Variants in ERC2 observed in about 807,000 individuals in gnomAD.
ERC2 encodes ERC protein 2.
Under a neutral mutation model 114.8 loss-of-function variants are expected in ERC2, and 42 were observed. The observed-to-expected ratio is 0.37, with a 90% confidence interval of 0.29 to 0.47. The LOEUF is 0.47. Ranked by LOEUF, ERC2 falls within the 20% of genes least tolerant of loss-of-function variation. The pLI is 0.99. For missense variants in ERC2, 939 were observed against 1,150.7 expected, an observed-to-expected ratio of 0.82 and a Z score of 2.66; for synonymous variants, 454 against 425.5, an observed-to-expected ratio of 1.07 and a Z score of -0.82.
chr3:56,467,623 G>A (rs893729918), intron 1 of ERC2, among the ~76,000 whole-genome samples: 3 of 152,010 alleles, frequency 2.0e-5, no homozygotes, highest in Non-Finnish European at 4.4e-5. Flanking sequence ...TGGGGAGGAG[G>A]AGAGAAGGGA....
At chr3:55,991,398 T>C (rs1177555321) in intron 11 of ERC2, among the ~76,000 whole-genome samples, 1 of 152,230 alleles carries the variant, frequency 6.6e-6, no homozygotes, top group Non-Finnish European at 1.5e-5. Flanking sequence ...ATAGCAAGCT[T>C]ATTTTTAGCA....
rs765072714 is a variant in ERC2 at position 56,434,890 on chromosome 3, T to C, written c.118A>G (p.Thr40Ala). The change falls in exon 2 of 18, where the codon ACA (threonine) becomes GCA (alanine). Residue 40 changes from threonine (T) to alanine (A), a missense_variant. Thr to Ala is a moderately conservative substitution (Grantham distance 58). Coordinates refer to ENST00000288221, the MANE Select transcript of ERC2 (RefSeq NM_015576.3). ...TTCTCCATAGACAGAGTCTTGCCTGTTCCTCCACCTCCCCCACTACTTGTT... is the reference window on the plus strand; with the variant it reads ...TTCTCCATAGACAGAGTCTTGCCTGCTCCTCCACCTCCCCCACTACTTGTT... ...RRTSSGGGGG[T>A]GKTLSMENIQ... The C allele has an allele frequency of 1.9e-6, 3 of 1,613,722 alleles. No individual in the cohort carries two copies. Among genetic ancestry groups the C allele is most frequent in the Non-Finnish European group, 2.5e-6 (3 of 1,179,880 alleles).
intron 2 of ERC2, among the ~76,000 whole-genome samples, chr3:56,309,256 T>A (rs2056404914): frequency 6.6e-6 from 1 of 152,236 alleles, no homozygotes; most frequent in South Asian, 2.1e-4. Flanking sequence ...GCACTGGGAC[T>A]CTGGGTTCCT....
intron 13 of ERC2, among the ~76,000 whole-genome samples, chr3:55,931,231 A>C (rs1265785896): frequency 6.6e-6 from 1 of 152,226 alleles, no homozygotes; most frequent in Non-Finnish European, 1.5e-5. Flanking sequence ...ATAACATTTG[A>C]CCCAGCAATC....
rs774598938 is a variant in ERC2 at position 56,434,624 on chromosome 3, G to A, written c.384C>T (p.Ser128=). ...AGGGGACCTGGTGGTGGTGATGATGGGATGAGCCAGTCAGCCCACCATGTT... is the reference window on the plus strand; with the variant it reads ...AGGGGACCTGGTGGTGGTGATGATGAGATGAGCCAGTCAGCCCACCATGTT... ...TDQHGGLTGS[S]HHHHHQVPSM... The change falls in exon 2 of 18, where the codon TCC becomes TCT. Residue 128 remains serine, a synonymous_variant. Transcript: ENST00000288221. 1.2e-6 allele frequency: 2 copies of A among 1,613,968 alleles called. No homozygotes were observed. Among genetic ancestry groups the A allele is most frequent in the South Asian group, 2.2e-5 (2 of 91,074 alleles).
At chr3:56,058,625 C>G (rs80060216) in intron 7 of ERC2, among the ~76,000 whole-genome samples, 181 of 152,250 alleles carry the variant, frequency 1.2e-3, no homozygotes, top group African/African-American at 4.1e-3. Flanking sequence ...TGTGGGAGAG[C>G]CTCATCCAAT....
At chr3:55,644,295 T>C (rs1263236198) in intron 17 of ERC2, among the ~76,000 whole-genome samples, 3 of 152,196 alleles carry the variant, frequency 2.0e-5, no homozygotes, top group African/African-American at 7.2e-5. Flanking sequence ...TTAGAACATG[T>C]AATTCTTCTA....
intron 17 of ERC2, among the ~76,000 whole-genome samples, chr3:55,562,970 A>G (rs972067972): frequency 2.0e-5 from 3 of 152,224 alleles, no homozygotes; most frequent in South Asian, 2.1e-4. Context: ...GAAATATTAC[A>G]AAAATATAAG....
At chr3:56,266,926 A>T (rs2053346097) in intron 3 of ERC2, among the ~76,000 whole-genome samples, 1 of 152,242 alleles carries the variant, frequency 6.6e-6, no homozygotes, top group South Asian at 2.1e-4. Flanking sequence ...GCACTCCCAC[A>T]TTCACTGCAG....
chr3:55,660,363 G>T (rs1248279446), intron 17 of ERC2, among the ~76,000 whole-genome samples: 1 of 152,156 alleles, frequency 6.6e-6, no homozygotes, highest in Non-Finnish European at 1.5e-5. Context: ...CCTGGTGCAG[G>T]GAAGGGGCAC....
chr3:56,164,470 G>A (rs7644153), intron 4 of ERC2, among the ~76,000 whole-genome samples: 124,639 of 152,082 alleles, frequency 0.82, 52,225 homozygotes, highest in South Asian at 0.93. Context: ...ATGTGGATAT[G>A]CCATATTTTG....
At chr3:56,196,698 T>G (rs2048127789) in intron 3 of ERC2, among the ~76,000 whole-genome samples, 1 of 152,146 alleles carries the variant, frequency 6.6e-6, no homozygotes, top group East Asian at 1.9e-4. Flanking sequence ...AACTGGCAAG[T>G]CCATTCCTCA....
intron 3 of ERC2, among the ~76,000 whole-genome samples, chr3:56,194,779 C>T (rs2047996655): frequency 6.6e-6 from 1 of 152,070 alleles, no homozygotes; most frequent in South Asian, 2.1e-4. Context: ...CCACAGCTGA[C>T]TGAAACATCA....
chr3:55,779,327 C>CAAAAAA (rs60185894), intron 14 of ERC2, among the ~76,000 whole-genome samples: 8 of 62,470 alleles, frequency 1.3e-4, no homozygotes, highest in Non-Finnish European at 1.7e-4. Context: ...ACTAAAAATA[C>CAAAAAA]AAAAAAAAAA....
intron 15 of ERC2, among the ~76,000 whole-genome samples, chr3:55,728,651 C>T (rs905589204): frequency 2.6e-5 from 4 of 152,124 alleles, no homozygotes; most frequent in Non-Finnish European, 5.9e-5. Context: ...TGTTTCTGCC[C>T]ACTGAAGTTT....
intron 14 of ERC2, among the ~76,000 whole-genome samples, chr3:55,851,172 T>C (rs937470210): frequency 6.6e-6 from 1 of 152,052 alleles, no homozygotes; most frequent in African/African-American, 2.4e-5. Context: ...GAAAAAATAC[T>C]AGATAATGAT....
intron 17 of ERC2, chr3:55,657,388 T>C (rs1210882643): frequency 6.6e-6 from 1 of 152,190 alleles, no homozygotes; most frequent in African/African-American, 2.4e-5. Context: ...GTAACCTCTT[T>C]TGCCTGCCAG....
chr3:56,269,590 A>C (rs1458656234), intron 3 of ERC2, among the ~76,000 whole-genome samples: 2 of 152,212 alleles, frequency 1.3e-5, no homozygotes, highest in Non-Finnish European at 2.9e-5. Context: ...AGGGGAAAAA[A>C]ACACAAAACA....
chr3:55,686,351 T>G (rs1229576365), intron 16 of ERC2, among the ~76,000 whole-genome samples: 1 of 152,230 alleles, frequency 6.6e-6, no homozygotes, highest in Non-Finnish European at 1.5e-5. Context: ...TTTTAAAGTT[T>G]AAAGTTTTTA....
Sources: allele counts gnomAD v4.1 joint callset (sites outside exome capture counted in the v4.1 genomes callset), GRCh38; gene constraint gnomAD v4.1.1; transcripts MANE v1.5; gene names NCBI Gene and HGNC (gene_info 2026-07-23, HGNC 2026-07-21).